The following KLHL14 variants were observed in gnomAD, a reference collection of about 807,000 sequenced individuals.
The protein encoded by KLHL14 is kelch like family member 14, also known as kelch-like protein 14.
KLHL14 carries 22 observed loss-of-function variants against 64.3 expected under a neutral mutation model. The ratio of observed to expected loss-of-function variants is 0.34; its 90% CI spans 0.24 to 0.49. KLHL14 has a LOEUF of 0.49. Ranked by LOEUF, KLHL14 falls within the 20% of genes least tolerant of loss-of-function variation. The pLI, the probability that KLHL14 is intolerant of heterozygous loss-of-function variation, is 0.99. For missense variants in KLHL14, 661 were observed against 789.0 expected (o/e 0.84, Z 1.94); for synonymous variants, 322 against 333.4 (o/e 0.97, Z 0.37).
Position 32,769,837 on chromosome 18 carries a change from G to A in KLHL14, c.755C>T (p.Thr252Ile). ...GAGGTCAGGCGCATACTGCATGCGG[G>A]TCTCGCGGTCGTGCTCCAGCCACAG... ...SVLWLEHDRETRMQYAPDLMK... is the reference protein window; with the variant it reads ...SVLWLEHDREIRMQYAPDLMK... The change falls in exon 2 of 9, where the codon ACC becomes ATC. Residue 252 changes from threonine (T) to isoleucine (I), a missense_variant. Coordinates refer to ENST00000359358, the MANE Select transcript of KLHL14 (RefSeq NM_020805.3). The A allele has an allele frequency of 1.9e-6, 3 of 1,613,812 alleles. No homozygotes were observed. Among genetic ancestry groups the A allele is most frequent in the East Asian group, 2.2e-5 (1 of 44,870 alleles).
At chr18:32,694,290 C>T (rs2049926584) in intron 4 of KLHL14, among the ~76,000 whole-genome samples, 1 of 152,188 alleles carries the variant, frequency 6.6e-6, no homozygotes, top group Admixed American at 6.5e-5. Flanking sequence ...CCTTCCAGTT[C>T]AAATCACATC....
rs756874239 is a variant in KLHL14, at chr18:32,674,684, C to G, written c.1860G>C (p.Leu620=). 1.3e-6 allele frequency: 1 copy of G among 780,826 alleles called. No homozygotes were observed. Among genetic ancestry groups the G allele is most frequent in the East Asian group, 2.4e-5 (1 of 41,242 alleles). The allele number at this position is 780,826 out of a possible 1,614,324, so 48.4% of individuals were successfully genotyped here. The part of the protein sequence containing the change: ...LAGPACVTVI[L]PSCVPYNK ...ATTTGTTGTATGGTACACAAGAGGGCAGAATAACTGTCACACAGGCAGGGC... is the reference window on the plus strand; with the variant it reads ...ATTTGTTGTATGGTACACAAGAGGGGAGAATAACTGTCACACAGGCAGGGC... The change falls in exon 9 of 9, where the codon CTG becomes CTC. Residue 620 remains leucine, a synonymous_variant. Coordinates refer to ENST00000359358, the MANE Select transcript of KLHL14 (RefSeq NM_020805.3).
At chr18:32,699,745 G>A (rs1199172274) in intron 3 of KLHL14, among the ~76,000 whole-genome samples, 1 of 152,126 alleles carries the variant, frequency 6.6e-6, no homozygotes, top group Non-Finnish European at 1.5e-5. Flanking sequence ...TATTTTAAAT[G>A]TGTTTATTAC....
chr18:32,720,562 A>G (rs2050073106), intron 3 of KLHL14, among the ~76,000 whole-genome samples: 1 of 152,164 alleles, frequency 6.6e-6, no homozygotes, highest in African/African-American at 2.4e-5. Context: ...TCTGGGAAGG[A>G]AACTCAGACT....
chr18:32,684,734 A>G (rs753481270), intron 5 of KLHL14, among the ~76,000 whole-genome samples: 2 of 152,210 alleles, frequency 1.3e-5, no homozygotes, highest in Non-Finnish European at 2.9e-5. Context: ...ACACAATGTA[A>G]AATTAACTAA....
At chr18:32,690,230 A>T (rs1410556310) in intron 4 of KLHL14, among the ~76,000 whole-genome samples, 2 of 152,178 alleles carry the variant, frequency 1.3e-5, no homozygotes. Flanking sequence ...CCGGCAAAAC[A>T]GTGGATTACT....
rs10048397 is a variant in KLHL14 at position 32,689,410 on chromosome 18, A to G, written c.1160-2177T>C. ...TATTTTGGAAGCAAATAGTGTTTCA[A>G]AAGGAAGGGAAGTGAGCAACTGAGA... On this transcript the variant is annotated intron_variant, in intron 4 of 8. Coordinates refer to ENST00000359358, the MANE Select transcript of KLHL14 (RefSeq NM_020805.3). Among the ~76,000 whole-genome samples, 878 of 152,250 alleles carry G rather than the reference A, an allele frequency of 5.8e-3. 5 individuals are homozygous for G. Among genetic ancestry groups the G allele is most frequent in the African/African-American group, 0.02 (835 of 41,538 alleles).
chr18:32,687,255 A>T, intron 4 of KLHL14, 22 bp from the exon 5 acceptor site: 1 of 1,580,880 alleles, frequency 6.3e-7, no homozygotes, highest in Non-Finnish European at 8.7e-7. Flanking sequence ...CATTCGAGAC[A>T]TTTAAAACTT....
chr18:32,693,401 CACACACACACACAGAG>C (rs1358041763), intron 4 of KLHL14, among the ~76,000 whole-genome samples: 2 of 120,934 alleles, frequency 1.7e-5, no homozygotes, highest in Admixed American at 8.6e-5. Flanking sequence ...CACACACACA[CACACACACACACAGAG>C]AGAGAGAGAG....
At chr18:32,738,256 C>T (rs903242913) in intron 3 of KLHL14, 2 of 152,072 alleles carry the variant, frequency 1.3e-5, no homozygotes, top group Admixed American at 6.5e-5. Flanking sequence ...CACGGTAACC[C>T]CAGCAAGTGT....
chr18:32,758,289 A>G, intron 2 of KLHL14, among the ~76,000 whole-genome samples: 1 of 152,146 alleles, frequency 6.6e-6, no homozygotes, highest in Non-Finnish European at 1.5e-5. Flanking sequence ...GCCCAGAGAC[A>G]TTTTTCAAAA....
chr18:32,720,000 G>A (rs977376730), intron 3 of KLHL14, among the ~76,000 whole-genome samples: 3 of 152,178 alleles, frequency 2.0e-5, no homozygotes, highest in African/African-American at 4.8e-5. Context: ...GGGCCATGTC[G>A]TATTTGTATC....
chr18:32,758,134 G>A (rs1311889720), intron 2 of KLHL14, among the ~76,000 whole-genome samples: 1 of 150,998 alleles, frequency 6.6e-6, no homozygotes, highest in African/African-American at 2.4e-5. Context: ...TTGTTTGTTT[G>A]TTTTTAGAGA....
chr18:32,730,296 G>C (rs1376196407), intron 3 of KLHL14, among the ~76,000 whole-genome samples: 1 of 152,174 alleles, frequency 6.6e-6, no homozygotes, highest in Non-Finnish European at 1.5e-5. Flanking sequence ...AAATCCGTGA[G>C]CTATGATCTC....
At chr18:32,676,700 C>G (rs975577532) in intron 8 of KLHL14, among the ~76,000 whole-genome samples, 1 of 151,982 alleles carries the variant, frequency 6.6e-6, no homozygotes, top group Non-Finnish European at 1.5e-5. Flanking sequence ...TAATGAAGTC[C>G]CATTCTAATC....
At chr18:32,721,407 C>G (rs2050079347) in intron 3 of KLHL14, among the ~76,000 whole-genome samples, 1 of 152,072 alleles carries the variant, frequency 6.6e-6, no homozygotes, top group African/African-American at 2.4e-5. Flanking sequence ...GACATAAGCT[C>G]TTCCTAATGG....
rs767016014 is a variant in KLHL14 at position 32,770,280 on chromosome 18, G to T, written c.312C>A (p.Pro104=). 8.2e-6 allele frequency: 13 copies of T among 1,590,402 alleles called. 1 individual carries two copies. The South Asian group carries it at 1.3e-4, about 16-fold the overall frequency. The change falls in exon 2 of 9, where the codon CCC becomes CCA. Residue 104 remains proline (P), a synonymous_variant. Transcript: ENST00000359358. The surrounding 1 kb of genome is among the most constrained non-coding windows in gnomAD (Gnocchi z 6.7). ...QQQQPPPQEE[P]GTPSSSPDDK... ...CGTCGGGGGAGGAAGAAGGAGTCCCGGGCTCCTCCTGCGGCGGCGGCTGCT... is the reference window on the plus strand; with the variant it reads ...CGTCGGGGGAGGAAGAAGGAGTCCCTGGCTCCTCCTGCGGCGGCGGCTGCT...
intron 3 of KLHL14, chr18:32,733,590 C>G (rs896340537): frequency 1.3e-5 from 2 of 152,112 alleles, no homozygotes; most frequent in African/African-American, 4.8e-5. Context: ...AATTTTATAC[C>G]TAAAACCACT....
chr18:32,689,978 C>T (rs1458998113), intron 4 of KLHL14, among the ~76,000 whole-genome samples: 1 of 152,094 alleles, frequency 6.6e-6, no homozygotes, highest in East Asian at 1.9e-4. Context: ...GAATAGTAGC[C>T]AGCTTGGCTG....
Sources: gnomAD v4.1 joint callset for allele counts (sites outside exome capture counted in the v4.1 genomes callset) on GRCh38, gnomAD v4.1.1 for gene constraint, Gnocchi (gnomAD v3.1) non-coding constraint, MANE v1.5 for transcripts, NCBI Gene and HGNC (gene_info 2026-07-23, HGNC 2026-07-21) for gene names.